Variants in SULF1 observed in about 807,000 individuals in gnomAD.
SULF1 encodes the protein sulfatase 1.
Under a neutral mutation model 110.5 loss-of-function variants are expected in SULF1, and 46 were observed. The ratio of observed to expected loss-of-function variants is 0.42; its 90% CI spans 0.33 to 0.53. The LOEUF (loss-of-function observed/expected upper bound fraction) is 0.53. SULF1 is among the 20% of genes least tolerant of loss of function. SULF1 has a pLI of 0.12. For missense variants in SULF1, 941 were observed against 1,094.2 expected, an observed-to-expected ratio of 0.86 and a Z score of 1.98; for synonymous variants, 371 against 387.1, an observed-to-expected ratio of 0.96 and a Z score of 0.49.
At chr8:69,545,313 G>T (rs544083399) in intron 3 of SULF1, among the ~76,000 whole-genome samples, 1 of 152,096 alleles carries the variant, frequency 6.6e-6, no homozygotes, top group Admixed American at 6.5e-5. Context: ...GTTAAAGGCC[G>T]TGTTGTCCTA....
At chr8:69,616,702 G>GTGTTTT (rs1809170954) in intron 13 of SULF1, among the ~76,000 whole-genome samples, 6 of 104,594 alleles carry the variant, frequency 5.7e-5, no homozygotes, top group South Asian at 3.5e-4. Context: ...GTGCCCGGCC[G>GTGTTTT]TTTTTTTTTT....
At chr8:69,489,832 C>T (rs1219277439), upstream of SULF1, among the ~76,000 whole-genome samples, 1 of 152,030 alleles carries the variant, frequency 6.6e-6, no homozygotes, top group Non-Finnish European at 1.5e-5. Flanking sequence ...GCATGAGCCA[C>T]TGCGCCCGGC....
chr8:69,591,121 C>T (rs1563561751), intron 8 of SULF1, among the ~76,000 whole-genome samples: 1 of 152,072 alleles, frequency 6.6e-6, no homozygotes, highest in African/African-American at 2.4e-5. Flanking sequence ...GCCTTTGAAG[C>T]TTTGAGGCAA....
intron 1 of SULF1, among the ~76,000 whole-genome samples, chr8:69,472,380 C>A (rs1039510009): frequency 1.3e-5 from 2 of 152,204 alleles, no homozygotes; most frequent in African/African-American, 4.8e-5. Flanking sequence ...ACTTCACCTT[C>A]AAACCAAATT....
chr8:69,650,875 G>C (rs1812282908), intron 22 of SULF1, among the ~76,000 whole-genome samples: 1 of 151,910 alleles, frequency 6.6e-6, no homozygotes, highest in Non-Finnish European at 1.5e-5. Context: ...TCCACATTTG[G>C]AAACAGCCAT....
chr8:69,474,277 T>G (rs1388962259), intron 1 of SULF1, among the ~76,000 whole-genome samples: 1 of 152,202 alleles, frequency 6.6e-6, no homozygotes, highest in Non-Finnish European at 1.5e-5. Flanking sequence ...ACTTTAGAAG[T>G]GTGCACCTCT....
Position 69,601,844 on chromosome 8 carries a change from G to A in SULF1, c.1061+15G>A, listed in dbSNP as rs539111580. ...CCAGGATCAATGTACGTATTTCTCT[G>A]TTTGCAACATTCAACTGTCGTACCT... is the stretch of plus-strand genomic sequence containing the variant. On this transcript the variant is annotated intron_variant, in intron 10 of 22. Transcript: ENST00000402687. 1.1e-5 allele frequency: 18 copies of A among 1,589,142 alleles called. No individual in the cohort carries two copies. The South Asian group carries it at 2.0e-4, about 17-fold the overall frequency.
At chr8:69,611,704 A>G (rs1808671561) in intron 13 of SULF1, among the ~76,000 whole-genome samples, 1 of 152,208 alleles carries the variant, frequency 6.6e-6, no homozygotes, top group African/African-American at 2.4e-5. Context: ...TACAGTTGTG[A>G]CATTTCAGAG....
At chr8:69,473,852 AT>A (rs1170306836) in intron 1 of SULF1, among the ~76,000 whole-genome samples, 1 of 152,152 alleles carries the variant, frequency 6.6e-6, no homozygotes, top group Non-Finnish European at 1.5e-5. Context: ...CTCTGAACTA[AT>A]TTTTTTATTT....
intron 1 of SULF1, among the ~76,000 whole-genome samples, chr8:69,487,523 T>C (rs1403123069): frequency 1.3e-5 from 2 of 152,240 alleles, no homozygotes; most frequent in Non-Finnish European, 2.9e-5. Flanking sequence ...TAATGAGGAC[T>C]ATTTGTTGCC....
intron 1 of SULF1, among the ~76,000 whole-genome samples, chr8:69,467,849 G>T (rs2583086): frequency 0.29 from 43,689 of 151,828 alleles, 6,427 homozygotes; most frequent in African/African-American, 0.33. Flanking sequence ...TAGTCATCTG[G>T]TGCCTGAGCA....
intron 22 of SULF1, among the ~76,000 whole-genome samples, chr8:69,642,017 C>T (rs1006103072): frequency 2.0e-5 from 3 of 152,132 alleles, no homozygotes; most frequent in African/African-American, 7.2e-5. Context: ...ACTGTCCTTA[C>T]CGCCTCTGCT....
chr8:69,545,569 T>A (rs1375717520), intron 3 of SULF1, among the ~76,000 whole-genome samples: 1 of 152,230 alleles, frequency 6.6e-6, no homozygotes, highest in Non-Finnish European at 1.5e-5. Context: ...GAACTTCTCG[T>A]GGTCCAAGAT....
At chr8:69,497,002 C>T (rs1045473657) in intron 2 of SULF1, among the ~76,000 whole-genome samples, 6 of 152,154 alleles carry the variant, frequency 3.9e-5, no homozygotes, top group Non-Finnish European at 7.3e-5. Flanking sequence ...GTCCCACATG[C>T]GTGCACCATC....
chr8:69,567,491 G>GTT lies in SULF1; in HGVS notation c.172+3346_172+3347dup, dbSNP rs201925829. 1.5e-3 allele frequency among the ~76,000 whole-genome samples: 228 copies of GTT among 151,942 alleles called. 4 individuals are homozygous for GTT. The East Asian group carries it at 0.043, about 28-fold the overall frequency. On this transcript the variant is annotated intron_variant, in intron 5 of 22. Transcript: ENST00000402687. ...CTATACCCATTAAACAGCAACTCCC[G>GTT]TTTCTCTCTCCCTCAATCCTGGCAA...
chr8:69,614,611 C>A (rs556457333), intron 13 of SULF1, among the ~76,000 whole-genome samples: 10 of 152,352 alleles, frequency 6.6e-5, no homozygotes, highest in African/African-American at 1.4e-4. Context: ...AAATTGCCAG[C>A]CTTCTCTTCT....
chr8:69,612,883 G>T (rs1808772811), intron 13 of SULF1, among the ~76,000 whole-genome samples: 1 of 151,966 alleles, frequency 6.6e-6, no homozygotes, highest in Admixed American at 6.6e-5. Context: ...TTATGTTTGG[G>T]TTTTTTTATA....
At chr8:69,598,610 T>C (rs930364603) in intron 8 of SULF1, among the ~76,000 whole-genome samples, 2 of 152,220 alleles carry the variant, frequency 1.3e-5, no homozygotes, top group Non-Finnish European at 2.9e-5. Context: ...CAGGCTGGTC[T>C]CGAACTCCTG....
At chr8:69,622,810 C>A (rs1280778373) in intron 14 of SULF1, among the ~76,000 whole-genome samples, 1 of 152,068 alleles carries the variant, frequency 6.6e-6, no homozygotes, top group Non-Finnish European at 1.5e-5. Context: ...TATTTGAGAG[C>A]AGGAGTCGGT....
Sources: gnomAD v4.1 joint callset for allele counts (sites outside exome capture counted in the v4.1 genomes callset) on GRCh38, gnomAD v4.1.1 for gene constraint, MANE v1.5 for transcripts, NCBI Gene and HGNC (gene_info 2026-07-23, HGNC 2026-07-21) for gene names.